The following ASIC2 variants were observed in gnomAD, a reference collection of about 807,000 sequenced individuals.
ASIC2 encodes acid sensing ion channel subunit 2, also known as acid-sensing ion channel 2.
ASIC2 carries 25 observed loss-of-function variants against 57.3 expected under a neutral mutation model. That is an observed-to-expected ratio of 0.44 (90% CI 0.32 to 0.61). ASIC2 has a LOEUF of 0.61. Ranked by LOEUF, ASIC2 falls within the 20% of genes least tolerant of loss-of-function variation. ASIC2 has a pLI of 0.06. For synonymous variants in ASIC2, 319 were observed against 307.5 expected, an observed-to-expected ratio of 1.04 and a Z score of -0.39; for missense variants, 641 against 738.1, an observed-to-expected ratio of 0.87 and a Z score of 1.52.
At chr17:33,626,782 C>T (rs1224901290) in intron 1 of ASIC2, among the ~76,000 whole-genome samples, 1 of 152,212 alleles carries the variant, frequency 6.6e-6, no homozygotes, top group African/African-American at 2.4e-5. Context: ...ACTTCCTGGG[C>T]TTAAGTTCTC....
intron 1 of ASIC2, among the ~76,000 whole-genome samples, chr17:34,075,823 C>CTTTTTTTTTTTTTTTTTTT (rs57703083): frequency 1.3e-5 from 1 of 77,548 alleles, no homozygotes; most frequent in Non-Finnish European, 2.3e-5. Flanking sequence ...TTTCTTTTTC[C>CTTTTTTTTTTTTTTTTTTT]TTTTTTTTTT....
intron 1 of ASIC2, among the ~76,000 whole-genome samples, chr17:34,155,183 T>C: frequency 6.6e-6 from 1 of 151,938 alleles, no homozygotes; most frequent in Non-Finnish European, 1.5e-5. Flanking sequence ...AACCGAGCCT[T>C]TGAGTTTCAA....
intron 1 of ASIC2, chr17:34,071,935 C>T (rs946583081): frequency 1.3e-5 from 2 of 152,180 alleles, no homozygotes; most frequent in African/African-American, 4.8e-5. Flanking sequence ...TGAAGGTTGT[C>T]TTTTTTCTTA....
rs140561621 is a variant in ASIC2, at chr17:33,576,694, G to C, written c.556-464627C>G. 1.6e-3 allele frequency among the ~76,000 whole-genome samples: 246 copies of C among 152,266 alleles called. 1 individual carries two copies. Among genetic ancestry groups the C allele is most frequent in the African/African-American group, 5.7e-3 (235 of 41,532 alleles). ...TTGCAATCCAGTGCTCTTGGTACAG[G>C]CAGTGATAGCATGCAAGAAGGAGAT... On this transcript the variant is annotated intron_variant, in intron 1 of 9. Transcript: ENST00000359872.
intron 1 of ASIC2, among the ~76,000 whole-genome samples, chr17:33,716,099 C>A (rs1295586782): frequency 1.3e-5 from 2 of 152,188 alleles, no homozygotes; most frequent in Non-Finnish European, 2.9e-5. Context: ...GTCTTCATCT[C>A]TCTTGCTCTC....
chr17:33,636,668 C>G (rs976646910), intron 1 of ASIC2, among the ~76,000 whole-genome samples: 1 of 152,176 alleles, frequency 6.6e-6, no homozygotes, highest in Non-Finnish European at 1.5e-5. Flanking sequence ...CTCAATCATT[C>G]ACTCTACTCC....
chr17:34,146,833 C>T (rs183829228), intron 1 of ASIC2: 2 of 152,116 alleles, frequency 1.3e-5, no homozygotes, highest in African/African-American at 4.8e-5. Context: ...CATGGAAGAC[C>T]CAGAGTGTAT....
rs146838273 is a variant in ASIC2 at position 33,042,403 on chromosome 17, A to C, written c.988-14011T>G. 4.6e-4 allele frequency among the ~76,000 whole-genome samples: 70 copies of C among 152,364 alleles called. 1 individual carries two copies. Among genetic ancestry groups the C allele is most frequent in the African/African-American group, 1.6e-3 (68 of 41,586 alleles). On this transcript the variant is annotated intron_variant, in intron 3 of 9. Transcript: ENST00000225823. Reference sequence around the variant, plus strand: ...GGATTAAAAGGGATTTAAGAATATTATCTCTTTTAATCCCCACAATAACCC... The same window carrying C: ...GGATTAAAAGGGATTTAAGAATATTCTCTCTTTTAATCCCCACAATAACCC...
intron 1 of ASIC2, among the ~76,000 whole-genome samples, chr17:33,942,559 G>A (rs1357190692): frequency 2.6e-5 from 4 of 152,238 alleles, no homozygotes; most frequent in East Asian, 1.9e-4. Flanking sequence ...GAGAGTGTGC[G>A]GGAGGCAGGA....
intron 1 of ASIC2, among the ~76,000 whole-genome samples, chr17:33,667,546 G>A (rs527493346): frequency 1.3e-5 from 2 of 152,260 alleles, no homozygotes; most frequent in African/African-American, 4.8e-5. Flanking sequence ...AATACAGAGG[G>A]GCGTGGGCTT....
intron 1 of ASIC2, among the ~76,000 whole-genome samples, chr17:33,217,532 T>A (rs1228049391): frequency 1.3e-5 from 2 of 152,212 alleles, no homozygotes; most frequent in African/African-American, 4.8e-5. Context: ...GTACTTGCCC[T>A]TTCCCATAGG....
At chr17:34,011,793 G>A (rs1401549866) in intron 1 of ASIC2, among the ~76,000 whole-genome samples, 1 of 152,038 alleles carries the variant, frequency 6.6e-6, no homozygotes, top group East Asian at 1.9e-4. Context: ...GCTCCCTTCT[G>A]GCTCCTGTGA....
chr17:33,156,043 A>C (rs1221891629), intron 1 of ASIC2, among the ~76,000 whole-genome samples: 1 of 152,118 alleles, frequency 6.6e-6, no homozygotes, highest in Non-Finnish European at 1.5e-5. Context: ...TGGGCCTCAC[A>C]CAGCTTTTAA....
At chr17:33,048,740 G>A (rs2091964556) in intron 3 of ASIC2, among the ~76,000 whole-genome samples, 1 of 152,110 alleles carries the variant, frequency 6.6e-6, no homozygotes, top group Admixed American at 6.5e-5. Context: ...GGGTCCTGTG[G>A]GCCCATCCCA....
chr17:33,759,930 G>A (rs932269980), intron 1 of ASIC2, among the ~76,000 whole-genome samples: 1 of 152,176 alleles, frequency 6.6e-6, no homozygotes, highest in African/African-American at 2.4e-5. Flanking sequence ...GTCCCCACTA[G>A]GGTAATGCCT....
At chr17:33,498,535 C>T (rs1455699089) in intron 1 of ASIC2, among the ~76,000 whole-genome samples, 2 of 152,138 alleles carry the variant, frequency 1.3e-5, no homozygotes, top group Non-Finnish European at 2.9e-5. Context: ...CCGGGGCTGA[C>T]AAGCACTTGT....
chr17:34,096,727 G>A (rs1361493423), intron 1 of ASIC2, among the ~76,000 whole-genome samples: 2 of 151,928 alleles, frequency 1.3e-5, no homozygotes, highest in African/African-American at 4.8e-5. Context: ...CAGGGTGGCA[G>A]GCGCCTGTAG....
chr17:33,596,300 A>T (rs985841950), intron 1 of ASIC2, among the ~76,000 whole-genome samples: 4 of 152,184 alleles, frequency 2.6e-5, no homozygotes, highest in African/African-American at 9.7e-5. Context: ...GTGCAGGTCC[A>T]TATTCAGTTA....
At chr17:33,800,567 A>G (rs919705547) in intron 1 of ASIC2, among the ~76,000 whole-genome samples, 2 of 152,166 alleles carry the variant, frequency 1.3e-5, no homozygotes, top group Non-Finnish European at 2.9e-5. Flanking sequence ...CCTGACAATC[A>G]TAATAATCAA....
Sources: gnomAD v4.1 joint callset for allele counts (sites outside exome capture counted in the v4.1 genomes callset) on GRCh38, gnomAD v4.1.1 for gene constraint, MANE v1.5 for transcripts, NCBI Gene and HGNC (gene_info 2026-07-23, HGNC 2026-07-21) for gene names.